VAV3: variants seen among roughly 807,000 people sequenced by gnomAD.
VAV3 encodes the protein vav guanine nucleotide exchange factor 3, also known as guanine nucleotide exchange factor VAV3.
In VAV3, 94 loss-of-function variants were observed where a neutral mutation model predicts 131.2. That is an observed-to-expected ratio of 0.72 (90% CI 0.61 to 0.85). VAV3 has a LOEUF of 0.85. Among genes scored for constraint, VAV3 ranks in the 40% least tolerant of loss-of-function variants. The pLI is 0.00. For missense variants in VAV3, 939 were observed against 1,002.7 expected (o/e 0.94, Z 0.86); for synonymous variants, 349 against 342.0 (o/e 1.02, Z -0.22).
intron 20 of VAV3, among the ~76,000 whole-genome samples, chr1:107,635,611 A>G (rs1570656359): frequency 1.3e-5 from 2 of 152,096 alleles, no homozygotes; most frequent in East Asian, 3.9e-4. Context: ...CCTAAAACTT[A>G]AAGTATAATA....
intron 2 of VAV3, among the ~76,000 whole-genome samples, chr1:107,848,331 A>AAT (rs1557880418): frequency 6.6e-6 from 1 of 150,630 alleles, no homozygotes; most frequent in Admixed American, 6.6e-5. Context: ...AAAAAAAAAA[A>AAT]TAGTGGCAAA....
At chr1:107,910,737 T>C (rs868724168) in intron 1 of VAV3, among the ~76,000 whole-genome samples, 1 of 152,042 alleles carries the variant, frequency 6.6e-6, no homozygotes. Context: ...CCCAGAACTT[T>C]GGGAGGCCAA....
chr1:107,757,311 T>C lies in VAV3; in HGVS notation c.1036A>G (p.Thr346Ala). 2 of 1,613,354 alleles carry C rather than the reference T, an allele frequency of 1.2e-6. No homozygotes were observed. Among genetic ancestry groups the C allele is most frequent in the Admixed American group, 1.7e-5 (1 of 59,766 alleles). ...LLLQELVKHTTDPTEKANLKL... is the reference protein window; with the variant it reads ...LLLQELVKHTADPTEKANLKL... The stretch of plus-strand genomic sequence containing the variant: ...AGATTTGCCTTCTCAGTCGGATCAG[T>C]GGTATGTTTGACCAGTTCCTATTTG... The change falls in exon 11 of 27, where the codon ACT becomes GCT. Residue 346 changes from threonine (T) to alanine (A), a missense_variant. Physicochemically the swap from Thr to Ala is moderately conservative, Grantham distance 58. Transcript: ENST00000370056.
At chr1:107,854,107 G>A (rs1015806499) in intron 2 of VAV3, among the ~76,000 whole-genome samples, 2 of 152,130 alleles carry the variant, frequency 1.3e-5, no homozygotes, top group Admixed American at 6.5e-5. Flanking sequence ...CCAGGGGTTC[G>A]AGGCCAGCCT....
chr1:107,938,919 A>C (rs1158494276), intron 1 of VAV3, among the ~76,000 whole-genome samples: 1 of 152,216 alleles, frequency 6.6e-6, no homozygotes. Context: ...AGTTTCAGCC[A>C]ATCTCAGGTG....
chr1:107,576,891 A>T (rs1649694114), intron 25 of VAV3, among the ~76,000 whole-genome samples: 1 of 152,242 alleles, frequency 6.6e-6, no homozygotes, highest in Non-Finnish European at 1.5e-5. Flanking sequence ...GGAAAATTCA[A>T]GAAAATTATT....
rs1571148104 is a variant in VAV3 at position 107,924,688 on chromosome 1, T to C, written c.204+39978A>G. ...ACAGTAGCTAAAAACAGTGCCTTCA[T>C]ATCTATTTGGAAAGTTGATGCTATG... is the stretch of plus-strand genomic sequence containing the variant. On this transcript the variant is annotated intron_variant, in intron 1 of 26. Coordinates refer to ENST00000370056, the MANE Select transcript of VAV3 (RefSeq NM_006113.5). 2.6e-5 allele frequency among the ~76,000 whole-genome samples: 4 copies of C among 152,332 alleles called. No homozygotes were observed. The South Asian group carries it at 6.2e-4, about 24-fold the overall frequency.
chr1:107,944,480 T>C (rs532641707), intron 1 of VAV3, among the ~76,000 whole-genome samples: 127 of 152,334 alleles, frequency 8.3e-4, no homozygotes, highest in African/African-American at 2.9e-3. Flanking sequence ...ATACCTCTCT[T>C]ATAACCTGAA....
At chr1:107,670,653 G>A (rs539924938) in intron 19 of VAV3, among the ~76,000 whole-genome samples, 1 of 152,240 alleles carries the variant, frequency 6.6e-6, no homozygotes, top group African/African-American at 2.4e-5. Context: ...TTTAGGTGGG[G>A]AAAGCAGTTA....
rs115586588 is a variant in VAV3 at position 107,870,521 on chromosome 1, A to G, written c.321+4380T>C. Among the ~76,000 whole-genome samples the G allele has an allele frequency of 8.1e-3, 1,226 of 152,122 alleles. 15 individuals carry two copies. The highest frequency in any genetic ancestry group is 0.028 in the African/African-American group (1,173 of 41,490). On this transcript the variant is annotated intron_variant, in intron 2 of 26. Coordinates refer to ENST00000370056, the MANE Select transcript of VAV3 (RefSeq NM_006113.5). ...TTTCTTGCTAATTTGAGTTCCTTGTAGATTCTTGATATTAGTCCTTTGTTT... is the reference window on the plus strand; with the variant it reads ...TTTCTTGCTAATTTGAGTTCCTTGTGGATTCTTGATATTAGTCCTTTGTTT...
chr1:107,877,328 C>T (rs1019085301), intron 1 of VAV3, among the ~76,000 whole-genome samples: 2 of 152,110 alleles, frequency 1.3e-5, no homozygotes, highest in Non-Finnish European at 2.9e-5. Flanking sequence ...CTTGCAATAT[C>T]GTTTACATAA....
intron 20 of VAV3, 92 bp downstream of exon 20, chr1:107,642,527 A>G (rs1655418978): frequency 2.1e-6 from 3 of 1,462,014 alleles, no homozygotes; most frequent in East Asian, 2.3e-5. Context: ...TTTGCTTTGC[A>G]CTGTGGACTC....
intron 18 of VAV3, among the ~76,000 whole-genome samples, chr1:107,687,795 C>CT (rs1172007882): frequency 2.6e-5 from 4 of 151,824 alleles, no homozygotes; most frequent in Non-Finnish European, 5.9e-5. Context: ...TTTTAAATAA[C>CT]TTTTTTTTGG....
intron 22 of VAV3, chr1:107,609,274 T>C (rs1313865471): frequency 6.6e-6 from 1 of 152,228 alleles, no homozygotes; most frequent in Non-Finnish European, 1.5e-5. Context: ...AAAATAATAA[T>C]TACTATCCAT....
chr1:107,654,591 T>A (rs1470340299), intron 19 of VAV3, among the ~76,000 whole-genome samples: 1 of 152,002 alleles, frequency 6.6e-6, no homozygotes, highest in Non-Finnish European at 1.5e-5. Context: ...AACTACTAAC[T>A]CTCTCCCTGA....
At chr1:107,744,158 A>G (rs1479709878) in intron 15 of VAV3, among the ~76,000 whole-genome samples, 1 of 152,204 alleles carries the variant, frequency 6.6e-6, no homozygotes, top group Non-Finnish European at 1.5e-5. Context: ...GAGTCCCTCC[A>G]GAGCTCTAGA....
rs186530047 is a variant in VAV3, at chr1:107,929,835, C to T, written c.204+34831G>A. ...ATAAAGAAAATGTGGTACTTATACA[C>T]AACAGAGTACTACTCAGCCATAAAG... On this transcript the variant is annotated intron_variant, in intron 1 of 26. Transcript: ENST00000370056. Among the ~76,000 whole-genome samples, 425 of 152,202 alleles carry T rather than the reference C, an allele frequency of 2.8e-3. 3 individuals carry two copies. The highest frequency in any genetic ancestry group is 3.6e-3 in the Admixed American group (55 of 15,298).
intron 19 of VAV3, among the ~76,000 whole-genome samples, 181 bp downstream of exon 19, chr1:107,683,307 G>A (rs1400521605): frequency 6.6e-6 from 1 of 152,220 alleles, no homozygotes; most frequent in South Asian, 2.1e-4. Flanking sequence ...GCTGGTAGTT[G>A]CTGGTAGTTA....
At chr1:107,735,243 C>T (rs573430913) in intron 15 of VAV3, among the ~76,000 whole-genome samples, 10 of 152,304 alleles carry the variant, frequency 6.6e-5, no homozygotes, top group Non-Finnish European at 1.5e-4. Flanking sequence ...TAAATGCCCA[C>T]AGGAGAAAGC....
Sources: gnomAD v4.1 joint callset for allele counts (sites outside exome capture counted in the v4.1 genomes callset) on GRCh38, gnomAD v4.1.1 for gene constraint, MANE v1.5 for transcripts, NCBI Gene and HGNC (gene_info 2026-07-23, HGNC 2026-07-21) for gene names.